Variants in EPS8 observed in about 807,000 individuals in gnomAD.
EPS8 encodes the protein epidermal growth factor receptor kinase substrate 8.
EPS8 carries 42 observed loss-of-function variants against 103.8 expected under a neutral mutation model. The observed-to-expected ratio is 0.40, with a 90% confidence interval of 0.32 to 0.52. The LOEUF (loss-of-function observed/expected upper bound fraction) is 0.52, where lower values mean the gene tolerates loss of function less well. EPS8 is among the 20% of genes least tolerant of loss of function. The probability of loss-of-function intolerance (pLI) is 0.40; values close to 1 mark genes in which losing one functional copy is unlikely to be tolerated. For missense variants in EPS8, 969 were observed against 1,005.1 expected, an observed-to-expected ratio of 0.96 and a Z score of 0.49; for synonymous variants, 344 against 344.6, an observed-to-expected ratio of 1.00 and a Z score of 0.02.
At chr12:15,739,434 C>T (rs1379515944) in intron 1 of EPS8, among the ~76,000 whole-genome samples, 1 of 151,868 alleles carries the variant, frequency 6.6e-6, no homozygotes, top group African/African-American at 2.4e-5. Context: ...AGTCGGTGGC[C>T]TGGGGAGGAG....
chr12:15,729,588 T>C (rs947326575), intron 1 of EPS8, among the ~76,000 whole-genome samples: 3 of 152,198 alleles, frequency 2.0e-5, no homozygotes, highest in Non-Finnish European at 4.4e-5. Context: ...GTTTTTAATT[T>C]CTTTAGTTGT....
rs1195127437 is a variant in EPS8, at chr12:15,786,934, G to A, written c.-22+2227C>T. On this transcript the variant is annotated intron_variant, in intron 1 of 20. Transcript: ENST00000281172. ...TTTCCCCCGACATACCTCTACAGAT[G>A]TCCAAAAGTTTGTACCTTATCATTA... is the stretch of plus-strand genomic sequence containing the variant. 2.0e-5 allele frequency among the ~76,000 whole-genome samples: 3 copies of A among 152,114 alleles called. No homozygotes were observed. In the East Asian group the frequency reaches 5.8e-4, roughly 29 times the overall value.
In EPS8 at chr12:15,661,636, T is replaced by C. The variant is rs567786994; in HGVS notation, c.810+390A>G. ...TCCTTTAAAAATGCCACTTAACTTT[T>C]ATCTCTTAGGTATTCTAAAATACAT... is the stretch of plus-strand genomic sequence containing the variant. On this transcript the variant is annotated intron_variant, in intron 9 of 20. Coordinates refer to ENST00000281172, the MANE Select transcript of EPS8 (RefSeq NM_004447.6). Among the ~76,000 whole-genome samples the C allele has an allele frequency of 2.0e-5, 3 of 152,324 alleles. No individual in the cohort carries two copies. The South Asian group carries it at 6.2e-4, about 32-fold the overall frequency.
At chr12:15,686,843 ACT>A (rs936699739) in intron 1 of EPS8, among the ~76,000 whole-genome samples, 15 of 151,994 alleles carry the variant, frequency 9.9e-5, no homozygotes, top group Non-Finnish European at 1.8e-4. Flanking sequence ...ATAATTAGTA[ACT>A]CTCTGCATAT....
At position 15,669,657 on chromosome 12, in the gene EPS8, C is replaced by G. The variant is rs376619617; in HGVS notation, c.366+7G>C. The G allele has an allele frequency of 6.3e-7, 1 of 1,586,972 alleles. No individual in the cohort carries two copies. Among genetic ancestry groups the G allele is most frequent in the Non-Finnish European group, 8.6e-7 (1 of 1,167,356 alleles). On this transcript the variant is annotated splice_region_variant and intron_variant, in intron 5 of 20. Coordinates refer to ENST00000281172, the MANE Select transcript of EPS8 (RefSeq NM_004447.6). ...AAAATAAAATAGTATAAATTTTACA[C>G]ACTTGCCTTTGATTCTAAATCAATC...
At chr12:15,641,158 C>T in intron 16 of EPS8, among the ~76,000 whole-genome samples, 1 of 152,082 alleles carries the variant, frequency 6.6e-6, no homozygotes, top group East Asian at 1.9e-4. Flanking sequence ...TGGAAAGCCC[C>T]ATTGTCTCCA....
Position 15,761,247 on chromosome 12 carries a change from T to C in EPS8, c.-22+27914A>G, listed in dbSNP as rs1466805901. Among the ~76,000 whole-genome samples, 8 of 151,962 alleles carry C rather than the reference T, an allele frequency of 5.3e-5. No homozygotes were observed. Among genetic ancestry groups the C allele is most frequent in the Non-Finnish European group, 5.9e-5 (4 of 67,932 alleles). ...TAACTAAAGAAGTGAAGAATCTCTA[T>C]CATGAAAACTATAAAACACTGATGA... is the stretch of plus-strand genomic sequence containing the variant. On this transcript the variant is annotated intron_variant, in intron 1 of 20. Coordinates refer to ENST00000281172, the MANE Select transcript of EPS8 (RefSeq NM_004447.6). The surrounding 1 kb of genome is among the most constrained non-coding windows in gnomAD (Gnocchi z 4.5).
rs1346129953 is a variant in EPS8, at chr12:15,769,197, A to G, written c.-22+19964T>C. Among the ~76,000 whole-genome samples, 3 of 152,206 alleles carry G rather than the reference A, an allele frequency of 2.0e-5. No homozygotes were observed. Among genetic ancestry groups the G allele is most frequent in the African/African-American group, 7.2e-5 (3 of 41,466 alleles). The stretch of plus-strand genomic sequence containing the variant: ...AAAAAAACAGGAGTTCTCTGTCTAT[A>G]GAATAATGTTGGCAAAATAAATTGA... On this transcript the variant is annotated intron_variant, in intron 1 of 20. Transcript: ENST00000281172. This position sits in a 1 kb window ranked among gnomAD's most constrained non-coding sequence, Gnocchi z 4.6.
In EPS8 at chr12:15,624,411, G is replaced by A; in HGVS notation, c.2045-4C>T. 6.5e-7 allele frequency: 1 copy of A among 1,549,808 alleles called. No individual in the cohort carries two copies. The highest frequency in any genetic ancestry group is 8.7e-7 in the Non-Finnish European group (1 of 1,145,500). On this transcript the variant is annotated splice_region_variant and splice_polypyrimidine_tract_variant and intron_variant, in intron 18 of 20. Transcript: ENST00000281172. ...TCCTCCATCTGAGATTTCCTTCCTA[G>A]ACACCAACAGGGAGTAGGTTCTTTT... is the stretch of plus-strand genomic sequence containing the variant.
Position 15,759,618 on chromosome 12 carries a change from T to C in EPS8, c.-22+29543A>G, listed in dbSNP as rs1947021103. Among the ~76,000 whole-genome samples, 1 of 152,062 alleles carries C rather than the reference T, an allele frequency of 6.6e-6. No homozygotes were observed. ...AAAACTTGAAATAGTATCAAGCATC[T>C]TCCCTGACCACAAAGGAATAAAACT... On this transcript the variant is annotated intron_variant, in intron 1 of 20. Coordinates refer to ENST00000281172, the MANE Select transcript of EPS8 (RefSeq NM_004447.6). The surrounding 1 kb of genome is among the most constrained non-coding windows in gnomAD (Gnocchi z 4.9).
chr12:15,631,619 CA>C lies in EPS8; in HGVS notation c.1866del (p.Ala623LeufsTer32), dbSNP rs774033875. 1 of 1,613,916 alleles carries C rather than the reference CA, an allele frequency of 6.2e-7. No individual in the cohort carries two copies. Among genetic ancestry groups the C allele is most frequent in the Admixed American group, 1.7e-5 (1 of 59,984 alleles). On this transcript the variant is annotated frameshift_variant, in exon 18 of 21. Coordinates refer to ENST00000281172, the MANE Select transcript of EPS8 (RefSeq NM_004447.6). LOFTEE classifies it high-confidence loss of function. ...GCTGGTGTTGGAGGAGGTGATGGAGCAGGGGGAGTATCAGCTGGTCTTGGGC... is the reference window on the plus strand; with the variant it reads ...GCTGGTGTTGGAGGAGGTGATGGAGCGGGGGAGTATCAGCTGGTCTTGGGC... ...EYGPRPADTP[P>X]APSPPPTPAP...
In EPS8 at chr12:15,706,405, T is replaced by C. The variant is rs950792451; in HGVS notation, c.-21-23433A>G. The stretch of plus-strand genomic sequence containing the variant: ...TCTAGAATAATTATCTTTTATATCT[T>C]TGCCTATCTAAATCTTGTATCTCAG... On this transcript the variant is annotated intron_variant, in intron 1 of 20. Coordinates refer to ENST00000281172, the MANE Select transcript of EPS8 (RefSeq NM_004447.6). This position sits in a 1 kb window ranked among gnomAD's most constrained non-coding sequence, Gnocchi z 5.2. Among the ~76,000 whole-genome samples, 4 of 152,130 alleles carry C rather than the reference T, an allele frequency of 2.6e-5. No individual in the cohort carries two copies. Among genetic ancestry groups the C allele is most frequent in the African/African-American group, 9.7e-5 (4 of 41,442 alleles).
At chr12:15,631,696 T>A (rs1565468434) in intron 17 of EPS8, 32 bp from the exon 18 acceptor site, 1 of 1,512,048 alleles carries the variant, frequency 6.6e-7, no homozygotes, top group Non-Finnish European at 8.9e-7. Flanking sequence ...ACTTAAAATT[T>A]AAAAAATATA....
At chr12:15,634,583 C>T (rs543398401) in intron 17 of EPS8, among the ~76,000 whole-genome samples, 1 of 152,296 alleles carries the variant, frequency 6.6e-6, no homozygotes, top group African/African-American at 2.4e-5. Flanking sequence ...ATTTAACCTA[C>T]TCTAAATTAC....
At chr12:15,658,692 G>T (rs1056128158) in intron 10 of EPS8, 107 bp from the exon 11 acceptor site, 2 of 751,412 alleles carry the variant, frequency 2.7e-6, no homozygotes, top group African/African-American at 3.5e-5. Flanking sequence ...GATCTCATCA[G>T]ACATGCTACC....
chr12:15,661,317 G>A (rs192272362), intron 9 of EPS8, among the ~76,000 whole-genome samples: 24 of 152,200 alleles, frequency 1.6e-4, no homozygotes, highest in Admixed American at 1.3e-3. Context: ...TGTGAAACTT[G>A]ACATTCTTCT....
In EPS8 at chr12:15,717,515, A is replaced by C. The variant is rs1185792458; in HGVS notation, c.-21-34543T>G. Among the ~76,000 whole-genome samples, 1 of 152,156 alleles carries C rather than the reference A, an allele frequency of 6.6e-6. No individual in the cohort carries two copies. The highest frequency in any genetic ancestry group is 1.5e-5 in the Non-Finnish European group (1 of 68,024). ...GGCAGCAGAATTGCTTAAGCCCCGG[A>C]GGCAGAGGTTGCAGTCAGCCGAGAT... On this transcript the variant is annotated intron_variant, in intron 1 of 20. Coordinates refer to ENST00000281172, the MANE Select transcript of EPS8 (RefSeq NM_004447.6). This position sits in a 1 kb window ranked among gnomAD's most constrained non-coding sequence, Gnocchi z 4.3.
At chr12:15,765,632 T>A (rs1947085474) in intron 1 of EPS8, among the ~76,000 whole-genome samples, 1 of 151,806 alleles carries the variant, frequency 6.6e-6, no homozygotes, top group Admixed American at 6.6e-5. Context: ...AAATAAAAAA[T>A]GGCCAACAGA....
intron 1 of EPS8, among the ~76,000 whole-genome samples, chr12:15,756,125 T>C (rs1186698768): frequency 1.3e-5 from 2 of 152,216 alleles, no homozygotes; most frequent in Non-Finnish European, 2.9e-5. Flanking sequence ...TATGGAGTTT[T>C]TCCTGTAGCC....
Sources: gnomAD v4.1 joint callset for allele counts (sites outside exome capture counted in the v4.1 genomes callset) on GRCh38, gnomAD v4.1.1 for gene constraint, Gnocchi (gnomAD v3.1) non-coding constraint, MANE v1.5 for transcripts, NCBI Gene and HGNC (gene_info 2026-07-23, HGNC 2026-07-21) for gene names.